The following PEDS1 variants were observed in gnomAD, a reference collection of about 807,000 sequenced individuals.
PEDS1 encodes plasmanylethanolamine desaturase 1, also known as CarF homolog.
In PEDS1, 14 loss-of-function variants were observed where a neutral mutation model predicts 35.2. The observed-to-expected ratio is 0.40, with a 90% CI of 0.26 to 0.62. PEDS1 has a LOEUF of 0.62. PEDS1 is among the 20% of genes least tolerant of loss of function. The pLI is 0.44. For synonymous variants in PEDS1, 152 were observed against 152.0 expected (o/e 1.00, Z 0.00); for missense variants, 260 against 367.8 (o/e 0.71, Z 2.40).
At chr20:50,148,737 G>A (rs1214409455) in intron 1 of PEDS1, among the ~76,000 whole-genome samples, 2 of 152,156 alleles carry the variant, frequency 1.3e-5, no homozygotes, top group African/African-American at 4.8e-5. Flanking sequence ...GGGACAAGAG[G>A]TAGAGAGAAG....
intron 5 of PEDS1, among the ~76,000 whole-genome samples, chr20:50,127,626 A>G (rs889697923): frequency 6.6e-6 from 1 of 152,184 alleles, no homozygotes; most frequent in Non-Finnish European, 1.5e-5. Flanking sequence ...GATTCCAGGC[A>G]TGAGCCACTG....
At chr20:50,134,952 G>T (rs1601217675) in intron 2 of PEDS1, among the ~76,000 whole-genome samples, 1 of 152,082 alleles carries the variant, frequency 6.6e-6, no homozygotes, top group South Asian at 2.1e-4. Context: ...GGAGGCTGAG[G>T]CAGGCGGACC....
intron 2 of PEDS1, among the ~76,000 whole-genome samples, chr20:50,137,169 C>T (rs1467080787): frequency 3.3e-5 from 5 of 152,104 alleles, no homozygotes; most frequent in East Asian, 3.9e-4. Flanking sequence ...CATGCTCAAG[C>T]GACCCTCCCA....
At chr20:50,136,236 A>C (rs150762917) in intron 2 of PEDS1, among the ~76,000 whole-genome samples, 1 of 152,330 alleles carries the variant, frequency 6.6e-6, no homozygotes, top group Non-Finnish European at 1.5e-5. Context: ...TAATCATTCT[A>C]AACACTTAAT....
In PEDS1 at chr20:50,128,057, C is replaced by T. The variant is rs1488317772; in HGVS notation, c.609G>A (p.Gln203=). Reference sequence around the variant, plus strand: ...TACGTGGCAGGATGACATGCCAGTCCTGCAGGAGGGTGACCCAGCGTGGCA... The same window carrying T: ...TACGTGGCAGGATGACATGCCAGTCTTGCAGGAGGGTGACCCAGCGTGGCA... ...FGLPRWVTLL[Q]DWHVILPRKH... is the part of the protein sequence containing the mutation. Residue 203 remains glutamine, a synonymous_variant, in exon 5 of 6, where the codon CAG becomes CAA. Coordinates refer to ENST00000371652, the MANE Select transcript of PEDS1 (RefSeq NM_199129.4). The surrounding 1 kb of genome is among the most constrained non-coding windows in gnomAD (Gnocchi z 5.2). 1 of 1,614,220 alleles carries T rather than the reference C, an allele frequency of 6.2e-7. No individual in the cohort carries two copies. Among genetic ancestry groups the T allele is most frequent in the Non-Finnish European group, 8.5e-7 (1 of 1,180,040 alleles).
intron 1 of PEDS1, among the ~76,000 whole-genome samples, chr20:50,153,080 G>A (rs1276034683): frequency 6.6e-6 from 1 of 151,916 alleles, no homozygotes; most frequent in Non-Finnish European, 1.5e-5. Context: ...CCAGATCTGG[G>A]GAACCCAGGA....
intron 2 of PEDS1, among the ~76,000 whole-genome samples, chr20:50,131,979 G>A (rs559318108): frequency 2.0e-4 from 30 of 152,108 alleles, no homozygotes; most frequent in Non-Finnish European, 2.8e-4. Flanking sequence ...CGAGGTGGGC[G>A]GATCACCTGA....
chr20:50,151,875 A>T (rs2081408323), intron 1 of PEDS1, among the ~76,000 whole-genome samples: 1 of 152,092 alleles, frequency 6.6e-6, no homozygotes, highest in African/African-American at 2.4e-5. Flanking sequence ...AATAAAACAA[A>T]ACAAAACAAA....
rs567426480 is a variant in PEDS1 at position 50,122,678 on chromosome 20, T to C, written c.*2380A>G. ...CAGGCTTTCTTTTTTCTGGCTAATA[T>C]TGCAGAAACTATCTAGCCTAGACTA... On this transcript the variant is annotated 3_prime_UTR_variant, in exon 6 of 6. Transcript: ENST00000371652. 1 of 152,352 alleles carries C rather than the reference T, an allele frequency of 6.6e-6. No homozygotes were observed. Among genetic ancestry groups the C allele is most frequent in the Non-Finnish European group, 1.5e-5 (1 of 68,032 alleles). The allele number at this position is 152,352 out of a possible 1,614,324, so 9.4% of individuals were successfully genotyped here. A position where few individuals can be genotyped will look rare whatever the true frequency, so the allele number is the denominator to read the frequency against.
intron 2 of PEDS1, among the ~76,000 whole-genome samples, chr20:50,140,574 C>T (rs575951781): frequency 6.7e-6 from 1 of 148,516 alleles, no homozygotes; most frequent in Non-Finnish European, 1.5e-5. Context: ...CTTGGATGCC[C>T]CTCCCCAAGA....
At chr20:50,131,694 AT>A (rs1426974861) in intron 2 of PEDS1, among the ~76,000 whole-genome samples, 35 of 91,308 alleles carry the variant, frequency 3.8e-4, no homozygotes, top group African/African-American at 1.4e-3. Context: ...TCCAGCTTTT[AT>A]CAGCAATAAA....
In PEDS1 at chr20:50,150,878, T is replaced by G. The variant is rs140477634; in HGVS notation, c.121+2639A>C. On this transcript the variant is annotated intron_variant, in intron 1 of 5. Coordinates refer to ENST00000371652, the MANE Select transcript of PEDS1 (RefSeq NM_199129.4). Reference sequence around the variant, plus strand: ...GCCCAGCTAATTTCTGTATTTTTAGTAGAGTCGGGGTTTCGCCATGTTGGC... The same window carrying G: ...GCCCAGCTAATTTCTGTATTTTTAGGAGAGTCGGGGTTTCGCCATGTTGGC... Among the ~76,000 whole-genome samples, 848 of 152,178 alleles carry G rather than the reference T, an allele frequency of 5.6e-3. 4 individuals carry two copies. The highest frequency in any genetic ancestry group is 0.02 in the Middle Eastern group (6 of 294).
chr20:50,133,058 G>A (rs755415026), intron 2 of PEDS1, among the ~76,000 whole-genome samples: 1 of 152,144 alleles, frequency 6.6e-6, no homozygotes, highest in Non-Finnish European at 1.5e-5. Context: ...TTCTGCTGGT[G>A]CCCTCAACCC....
intron 2 of PEDS1, among the ~76,000 whole-genome samples, chr20:50,141,931 T>C (rs2081295399): frequency 6.6e-6 from 1 of 152,070 alleles, no homozygotes; most frequent in African/African-American, 2.4e-5. Flanking sequence ...ATTGTGGGAG[T>C]TGAACCCTTA....
chr20:50,153,613 C>T lies in PEDS1; in HGVS notation c.25G>A (p.Gly9Ser). 7.5e-7 allele frequency: 1 copy of T among 1,328,328 alleles called. No individual in the cohort carries two copies. The highest frequency in any genetic ancestry group is 9.7e-7 in the Non-Finnish European group (1 of 1,032,708). 82.3% of individuals were successfully genotyped at this position (1,328,328 alleles called of 1,614,324 possible). A position where few individuals can be genotyped will look rare whatever the true frequency, so the allele number is the denominator to read the frequency against. ...TCCTCGTCCAGCTCCAGCTGCTGGC[C>T]CGGCCAGTTCTCGGCGCCCGCCATG... MAGAENWP[G>S]QQLELDEDEA... Residue 9 changes from glycine to serine, a missense_variant, in exon 1 of 6, where the codon GGC (glycine) becomes AGC (serine). Gly to Ser is a moderately conservative substitution (Grantham distance 56). Coordinates refer to ENST00000371652, the MANE Select transcript of PEDS1 (RefSeq NM_199129.4).
Position 50,119,770 on chromosome 20 carries a change from T to C in PEDS1, c.*5288A>G, listed in dbSNP as rs1320734569. 1 of 152,186 alleles carries C rather than the reference T, an allele frequency of 6.6e-6. No homozygotes were observed. 9.4% of individuals were successfully genotyped at this position (152,186 alleles called of 1,614,324 possible). A position where few individuals can be genotyped will look rare whatever the true frequency, so the allele number is the denominator to read the frequency against. The stretch of plus-strand genomic sequence containing the variant: ...TAGGGAGAGGTTGGTAACTTTTCTC[T>C]GTAAAGGGCCAGATCGTAAATATTT... On this transcript the variant is annotated 3_prime_UTR_variant, in exon 6 of 6. Coordinates refer to ENST00000371652, the MANE Select transcript of PEDS1 (RefSeq NM_199129.4).
At chr20:50,130,695 G>A (rs1317593900) in intron 3 of PEDS1, among the ~76,000 whole-genome samples, 161 bp downstream of exon 3, 1 of 152,110 alleles carries the variant, frequency 6.6e-6, no homozygotes, top group African/African-American at 2.4e-5. Context: ...AAATCCCAAG[G>A]GACTCCTGTT....
chr20:50,131,255 T>C, intron 2 of PEDS1: 2 of 620,628 alleles, frequency 3.2e-6, no homozygotes, highest in Non-Finnish European at 5.7e-6. Context: ...CTCTGCCCCA[T>C]ATAAGGAAAG....
Position 50,129,522 on chromosome 20 carries a change from C to A in PEDS1, c.478+24G>T. On this transcript the variant is annotated intron_variant, in intron 4 of 5. Coordinates refer to ENST00000371652, the MANE Select transcript of PEDS1 (RefSeq NM_199129.4). This position sits in a 1 kb window ranked among gnomAD's most constrained non-coding sequence, Gnocchi z 4.2. Reference sequence around the variant, plus strand: ...CTCTGCCCCCAAGGCCCCCTCCCAGCCCACCACTAGCTGGGTGTCTCACCA... The same window carrying A: ...CTCTGCCCCCAAGGCCCCCTCCCAGACCACCACTAGCTGGGTGTCTCACCA... 2 of 1,613,704 alleles carry A rather than the reference C, an allele frequency of 1.2e-6. No individual in the cohort carries two copies. The highest frequency in any genetic ancestry group is 8.5e-7 in the Non-Finnish European group (1 of 1,179,772).
Sources: allele counts gnomAD v4.1 joint callset (sites outside exome capture counted in the v4.1 genomes callset), GRCh38; gene constraint gnomAD v4.1.1; non-coding constraint Gnocchi (gnomAD v3.1); transcripts MANE v1.5; gene names NCBI Gene and HGNC (gene_info 2026-07-23, HGNC 2026-07-21).